Variants in VWA5B1 observed in about 807,000 individuals in gnomAD.
VWA5B1 encodes von Willebrand factor A domain containing 5B1.
A neutral mutation model predicts 118.2 loss-of-function variants in VWA5B1; 115 were observed. That is an observed-to-expected ratio of 0.97 (90% confidence interval 0.84 to 1.14). VWA5B1 has a LOEUF of 1.14. VWA5B1 is among the 50% of genes most tolerant of loss of function. VWA5B1 has a pLI of 0.00. For missense variants in VWA5B1, 1,596 were observed against 1,603.8 expected (o/e 1.00, Z 0.08); for synonymous variants, 682 against 658.4 (o/e 1.04, Z -0.55).
rs1208896337 is a variant in VWA5B1, at chr1:20,356,168, G to T, written c.*1905G>T. 6.6e-6 allele frequency among the ~76,000 whole-genome samples: 1 copy of T among 152,198 alleles called. No homozygotes were observed. Among genetic ancestry groups the T allele is most frequent in the East Asian group, 1.9e-4 (1 of 5,190 alleles). On this transcript the variant is annotated 3_prime_UTR_variant, in exon 22 of 22. Transcript: ENST00000289815. ...CAGCAGCCTCAGCTTCAGGGTAAGGGTGGCCGGGGGTGGCATCTACTTCCT... is the reference window on the plus strand; with the variant it reads ...CAGCAGCCTCAGCTTCAGGGTAAGGTTGGCCGGGGGTGGCATCTACTTCCT...
chr1:20,328,556 G>A (rs2089455390), intron 9 of VWA5B1, among the ~76,000 whole-genome samples: 1 of 152,114 alleles, frequency 6.6e-6, no homozygotes. Context: ...AGGAAGGAAA[G>A]GAGGGAGGAA....
intron 1 of VWA5B1, among the ~76,000 whole-genome samples, chr1:20,304,119 C>T (rs2088576085): frequency 6.6e-6 from 1 of 152,192 alleles, no homozygotes; most frequent in African/African-American, 2.4e-5. Flanking sequence ...GGAGGAGGTG[C>T]AGCCATTGCT....
At chr1:20,345,317 C>T in intron 16 of VWA5B1, 139 bp from the exon 17 acceptor site, 2 of 1,079,754 alleles carry the variant, frequency 1.9e-6, no homozygotes, top group East Asian at 2.8e-5. Context: ...AGCAAGTTGG[C>T]AAGCCCTTGA....
chr1:20,337,577 A>G, intron 13 of VWA5B1, 69 bp from the exon 14 acceptor site: 3 of 1,460,880 alleles, frequency 2.1e-6, no homozygotes, highest in Non-Finnish European at 2.8e-6. Context: ...CAAACAGGAA[A>G]GGGGATGCAA....
chr1:20,335,682 TG>T (rs1330226522), intron 12 of VWA5B1, among the ~76,000 whole-genome samples: 1 of 152,220 alleles, frequency 6.6e-6, no homozygotes, highest in African/African-American at 2.4e-5. Flanking sequence ...GAAAATAAAA[TG>T]TTTTTGAGAA....
At chr1:20,306,021 G>C (rs1441315674) in intron 1 of VWA5B1, among the ~76,000 whole-genome samples, 1 of 152,116 alleles carries the variant, frequency 6.6e-6, no homozygotes, top group Non-Finnish European at 1.5e-5. Context: ...AGGATGCATC[G>C]ATAAGAAAAA....
chr1:20,336,576 G>C, intron 13 of VWA5B1, 90 bp downstream of exon 13: 1 of 1,265,742 alleles, frequency 7.9e-7, no homozygotes, highest in Non-Finnish European at 1.0e-6. Flanking sequence ...TGAATAGTTA[G>C]CAGCTGCAGA....
intron 20 of VWA5B1, 106 bp downstream of exon 20, chr1:20,351,032 C>T: frequency 8.8e-7 from 1 of 1,136,298 alleles, no homozygotes; most frequent in Non-Finnish European, 1.3e-6. Flanking sequence ...TTCAGCCTGA[C>T]ATTTAGGCAG....
Position 20,354,464 on chromosome 1 carries a change from G to A in VWA5B1, c.*201G>A. 2 of 638,600 alleles carry A rather than the reference G, an allele frequency of 3.1e-6. No individual in the cohort carries two copies. The highest frequency in any genetic ancestry group is 2.1e-5 in the South Asian group (1 of 48,476). 39.6% of individuals were successfully genotyped at this position (638,600 alleles called of 1,614,324 possible). A position where few individuals can be genotyped will look rare whatever the true frequency, so the allele number is the denominator to read the frequency against. On this transcript the variant is annotated 3_prime_UTR_variant, in exon 22 of 22. Transcript: ENST00000289815. Reference sequence around the variant, plus strand: ...GCCATGCAACTTTAGGCCAGTGCCTGCCCCCGTCTGGGCCTCAGTTTCCTC... The same window carrying A: ...GCCATGCAACTTTAGGCCAGTGCCTACCCCCGTCTGGGCCTCAGTTTCCTC...
At chr1:20,327,642 G>GACA (rs1486431188) in intron 8 of VWA5B1, among the ~76,000 whole-genome samples, 141 of 150,518 alleles carry the variant, frequency 9.4e-4, no homozygotes, top group African/African-American at 3.4e-3. Flanking sequence ...TGATGATGAC[G>GACA]ACGACGACGA....
At chr1:20,316,695 G>A (rs79734231) in intron 4 of VWA5B1, among the ~76,000 whole-genome samples, 2,219 of 152,278 alleles carry the variant, frequency 0.015, 52 homozygotes, top group African/African-American at 0.049. Flanking sequence ...CTAAGCCGTT[G>A]CTCCTGGAGT....
chr1:20,321,809 A>G (rs2089227129), intron 7 of VWA5B1, among the ~76,000 whole-genome samples: 2 of 152,136 alleles, frequency 1.3e-5, no homozygotes, highest in Admixed American at 1.3e-4. Flanking sequence ...TTTTTGGAAA[A>G]CAGGAAGAAG....
chr1:20,314,592 G>C lies in VWA5B1; in HGVS notation c.563G>C (p.Gly188Ala), dbSNP rs979501935. Residue 188 changes from glycine to alanine, a missense_variant and splice_region_variant, in exon 4 of 22, where the codon GGC (glycine) becomes GCC (alanine). Transcript: ENST00000289815. Reference protein sequence around the residue: ...STGTSNQQAQGKDRHCFGAWA... With the variant: ...STGTSNQQAQAKDRHCFGAWA... ...GGCACCTCCAACCAACAGGCCCAGG[G>C]GTAAGGAAGCCCTGCCCAGACCAAT... 25 of 1,550,950 alleles carry C rather than the reference G, an allele frequency of 1.6e-5. No homozygotes were observed. The highest frequency in any genetic ancestry group is 2.0e-5 in the Non-Finnish European group (23 of 1,146,826).
Position 20,327,926 on chromosome 1 carries a change from GC to G in VWA5B1, c.1182del (p.Cys395AlafsTer37). The G allele has an allele frequency of 6.4e-7, 1 of 1,551,584 alleles. No individual in the cohort carries two copies. The highest frequency in any genetic ancestry group is 1.2e-5 in the South Asian group (1 of 84,036). ...GGTGGCCCTTAAGAGCCTCATGCCA[GC>G]CTGCCTCTTCAATATCATTGGGTTT... ...MLVALKSLMPACLFNIIGFGS... is the reference protein window; with the variant it reads ...MLVALKSLMPXCLFNIIGFGS... On this transcript the variant is annotated frameshift_variant, in exon 9 of 22. Transcript: ENST00000289815. LOFTEE classifies it high-confidence loss of function.
At chr1:20,351,576 C>G (rs189077259) in intron 20 of VWA5B1, among the ~76,000 whole-genome samples, 1 of 152,060 alleles carries the variant, frequency 6.6e-6, no homozygotes, top group African/African-American at 2.4e-5. Flanking sequence ...CACTTGGACC[C>G]GGGAGGCAGA....
chr1:20,303,762 AG>A (rs1483354710), intron 1 of VWA5B1, among the ~76,000 whole-genome samples: 2 of 152,112 alleles, frequency 1.3e-5, no homozygotes, highest in Non-Finnish European at 2.9e-5. Context: ...GAGGGGCATG[AG>A]GGCCTTCTCC....
chr1:20,307,902 G>A (rs944015129), intron 1 of VWA5B1, among the ~76,000 whole-genome samples: 2 of 151,856 alleles, frequency 1.3e-5, no homozygotes, highest in Admixed American at 1.3e-4. Flanking sequence ...TTAGATTTAG[G>A]GGGTACATAT....
chr1:20,292,068 T>A (rs1398684403), intron 1 of VWA5B1, among the ~76,000 whole-genome samples: 1 of 152,182 alleles, frequency 6.6e-6, no homozygotes, highest in Non-Finnish European at 1.5e-5. Flanking sequence ...TGCTTTTTCT[T>A]TCTTTTTCTC....
intron 4 of VWA5B1, among the ~76,000 whole-genome samples, chr1:20,316,208 C>T (rs1046255828): frequency 1.3e-5 from 2 of 152,190 alleles, no homozygotes; most frequent in Admixed American, 6.5e-5. Flanking sequence ...GACATCCACC[C>T]TGGAAAGCAA....
Sources: allele counts gnomAD v4.1 joint callset (sites outside exome capture counted in the v4.1 genomes callset), GRCh38; gene constraint gnomAD v4.1.1; transcripts MANE v1.5; gene names NCBI Gene and HGNC (gene_info 2026-07-23, HGNC 2026-07-21).